COL4A4: variants seen among roughly 807,000 people sequenced by gnomAD.
COL4A4 encodes the protein collagen alpha-4(IV) chain.
In COL4A4, 105 loss-of-function variants were observed where a neutral mutation model predicts 192.9. That is an observed-to-expected ratio of 0.54 (90% CI 0.46 to 0.64). COL4A4 has a LOEUF of 0.64. Ranked by LOEUF, COL4A4 falls within the 30% of genes least tolerant of loss-of-function variation. COL4A4 has a pLI of 0.00. For synonymous variants in COL4A4, 762 were observed against 769.9 expected (o/e 0.99, Z 0.17); for missense variants, 1,967 against 2,169.3 (o/e 0.91, Z 1.85).
chr2:227,055,851 A>C, intron 30 of COL4A4, 94 bp downstream of exon 30: 1 of 1,125,254 alleles, frequency 8.9e-7, no homozygotes, highest in Non-Finnish European at 1.3e-6. Flanking sequence ...ACTAACAGTT[A>C]ACTCTTTTTG....
intron 7 of COL4A4, among the ~76,000 whole-genome samples, chr2:227,115,636 T>C (rs2061453158): frequency 6.6e-6 from 1 of 152,214 alleles, no homozygotes; most frequent in South Asian, 2.1e-4. Context: ...TCTTTATATA[T>C]CAAGCTCATA....
At chr2:227,020,960 C>A (rs560037259) in intron 44 of COL4A4, among the ~76,000 whole-genome samples, 1 of 147,824 alleles carries the variant, frequency 6.8e-6, no homozygotes, top group Non-Finnish European at 1.5e-5. Flanking sequence ...CTGCCTCCAC[C>A]GTTCAAGCGA....
At chr2:227,041,771 GAAGGAAGGAAGGAAGGGAAAGAAA>G (rs767913677) in intron 37 of COL4A4, among the ~76,000 whole-genome samples, 1 of 97,986 alleles carries the variant, frequency 1.0e-5, no homozygotes, top group Non-Finnish European at 2.0e-5. Flanking sequence ...AGGAAGGAAG[GAAGGAAGGAAGGAAGGGAAAGAAA>G]GAAAGAAAGG....
chr2:227,124,090 G>A (rs1576684480), intron 4 of COL4A4, among the ~76,000 whole-genome samples: 2 of 152,112 alleles, frequency 1.3e-5, no homozygotes, highest in African/African-American at 4.8e-5. Context: ...AATTGTTAAA[G>A]GAGAAAAACA....
chr2:227,028,049 T>C, intron 41 of COL4A4, 40 bp from the exon 42 acceptor site: 3 of 1,313,428 alleles, frequency 2.3e-6, no homozygotes, highest in Non-Finnish European at 3.2e-6. Flanking sequence ...GGCACTGGAA[T>C]GAGACAAGAT....
intron 11 of COL4A4, 97 bp from the exon 12 acceptor site, chr2:227,108,719 A>C: frequency 1.3e-6 from 2 of 1,525,234 alleles, no homozygotes; most frequent in Non-Finnish European, 1.8e-6. Context: ...ATTGCAGTTC[A>C]TGGAATACTT....
chr2:227,126,112 A>T (rs2062070737), intron 4 of COL4A4, among the ~76,000 whole-genome samples: 1 of 152,214 alleles, frequency 6.6e-6, no homozygotes, highest in East Asian at 1.9e-4. Context: ...AAAATTAAAA[A>T]TTTTAAAATA....
At chr2:227,015,172 A>G (rs1366952347) in intron 44 of COL4A4, among the ~76,000 whole-genome samples, 1 of 152,086 alleles carries the variant, frequency 6.6e-6, no homozygotes, top group Non-Finnish European at 1.5e-5. Context: ...TAGTGCTGGG[A>G]TTACAGGTGT....
chr2:227,130,009 C>T (rs1453426737), intron 4 of COL4A4, among the ~76,000 whole-genome samples: 3 of 152,166 alleles, frequency 2.0e-5, no homozygotes, highest in Non-Finnish European at 4.4e-5. Flanking sequence ...CAACATCACT[C>T]ACGAATCCTT....
chr2:227,051,015 T>C lies in COL4A4; in HGVS notation c.3112A>G (p.Arg1038Gly), dbSNP rs770930167. 70 of 1,614,116 alleles carry C rather than the reference T, an allele frequency of 4.3e-5. No homozygotes were observed. Among genetic ancestry groups the C allele is most frequent in the Non-Finnish European group, 5.8e-5 (69 of 1,180,044 alleles). Residue 1038 changes from arginine to glycine, a missense_variant, in exon 33 of 48, where the codon AGA (arginine) becomes GGA (glycine). Arg to Gly is a moderately radical substitution (Grantham distance 125). Transcript: ENST00000396625. Reference sequence around the variant, plus strand: ...AGTCCTGGAAAACCAATGAACCCTCTTAGACCAGTTGAGCCTGGAGGGCCT... The same window carrying C: ...AGTCCTGGAAAACCAATGAACCCTCCTAGACCAGTTGAGCCTGGAGGGCCT... ...PPGPPGSTGL[R>G]GFIGFPGLPG...
intron 25 of COL4A4, among the ~76,000 whole-genome samples, chr2:227,068,442 T>G (rs1210729987): frequency 6.6e-6 from 1 of 152,206 alleles, no homozygotes; most frequent in African/African-American, 2.4e-5. Context: ...CCAATATCCT[T>G]GATGAACATT....
intron 1 of COL4A4, among the ~76,000 whole-genome samples, chr2:227,162,555 C>T (rs2064924374): frequency 6.6e-6 from 1 of 152,190 alleles, no homozygotes; most frequent in Non-Finnish European, 1.5e-5. Context: ...GAAGCTACTG[C>T]ATACCACACA....
chr2:227,087,809 C>G (rs1006865085), intron 22 of COL4A4, among the ~76,000 whole-genome samples: 3 of 152,218 alleles, frequency 2.0e-5, no homozygotes, highest in African/African-American at 7.2e-5. Flanking sequence ...AGTAAAGGCT[C>G]AGACCTCACC....
intron 37 of COL4A4, among the ~76,000 whole-genome samples, chr2:227,039,036 G>T (rs1022643091): frequency 3.3e-5 from 5 of 152,188 alleles, no homozygotes; most frequent in African/African-American, 1.2e-4. Flanking sequence ...GTATGAACAT[G>T]CCAAGTAATA....
intron 1 of COL4A4, among the ~76,000 whole-genome samples, chr2:227,151,804 A>G (rs1242872696): frequency 6.6e-6 from 1 of 152,152 alleles, no homozygotes; most frequent in Non-Finnish European, 1.5e-5. Flanking sequence ...CCACCATGTG[A>G]GGATGCAGCA....
chr2:227,033,068 A>C lies in COL4A4; in HGVS notation c.3577+342T>G, dbSNP rs143769937. On this transcript the variant is annotated intron_variant, in intron 38 of 47. Transcript: ENST00000396625. ...CAAACATAGCATTACTATACTTAAT[A>C]CAAAAATTCTAAAATCCCCAGCTAT... is the stretch of plus-strand genomic sequence containing the variant. Among the ~76,000 whole-genome samples, 1,178 of 152,338 alleles carry C rather than the reference A, an allele frequency of 7.7e-3. 9 individuals carry two copies. The highest frequency in any genetic ancestry group is 0.027 in the African/African-American group (1,102 of 41,568).
downstream of COL4A4, chr2:226,998,654 A>G (rs930165738): frequency 1.2e-4 from 18 of 152,168 alleles, no homozygotes; most frequent in East Asian, 2.1e-3. Context: ...CAGTATCTCA[A>G]TTATTTGCTC....
chr2:227,098,284 C>T (rs892896678), intron 19 of COL4A4, among the ~76,000 whole-genome samples: 1 of 152,088 alleles, frequency 6.6e-6, no homozygotes, highest in Non-Finnish European at 1.5e-5. Context: ...CATGGGGAAA[C>T]ACTAATCCTA....
rs1559474960 is a variant in COL4A4 at position 227,041,704 on chromosome 2, GAA to G, written c.3505+442_3505+443del. 3.0e-3 allele frequency among the ~76,000 whole-genome samples: 380 copies of G among 128,696 alleles called. 4 individuals carry two copies. Among genetic ancestry groups the G allele is most frequent in the African/African-American group, 0.012 (359 of 29,714 alleles). 84.4% of individuals were successfully genotyped at this position (128,696 alleles called of 152,430 possible). A position where few individuals can be genotyped will look rare whatever the true frequency, so the allele number is the denominator to read the frequency against. On this transcript the variant is annotated intron_variant, in intron 37 of 47. Transcript: ENST00000396625. ...AAAGAAAGACAGAGAGAGAGAGAGAGAAGGAAGGAAGGGAGGAGGAAGGAAGG... is the reference window on the plus strand; with the variant it reads ...AAAGAAAGACAGAGAGAGAGAGAGAGGGAAGGAAGGGAGGAGGAAGGAAGG...
Sources: gnomAD v4.1 joint callset for allele counts (sites outside exome capture counted in the v4.1 genomes callset) on GRCh38, gnomAD v4.1.1 for gene constraint, MANE v1.5 for transcripts, NCBI Gene and HGNC (gene_info 2026-07-23, HGNC 2026-07-21) for gene names.